ADARB2: variants seen among roughly 807,000 people sequenced by gnomAD.
ADARB2 encodes inactive double-stranded RNA-specific editase B2.
Under a neutral mutation model 62.2 loss-of-function variants are expected in ADARB2, and 25 were observed. The ratio of observed to expected loss-of-function variants is 0.40; its 90% CI spans 0.29 to 0.56. ADARB2 has a LOEUF of 0.56. Among genes scored for constraint, ADARB2 ranks in the 20% least tolerant of loss-of-function variants. ADARB2 has a pLI of 0.43. For missense variants in ADARB2, 1,071 were observed against 1,077.4 expected (o/e 0.99, Z 0.08); for synonymous variants, 572 against 500.8 (o/e 1.14, Z -1.90).
chr10:1,566,256 C>T (rs1479354599), intron 1 of ADARB2, among the ~76,000 whole-genome samples: 1 of 152,160 alleles, frequency 6.6e-6, no homozygotes, highest in Non-Finnish European at 1.5e-5. Context: ...ACAGACCCAG[C>T]TTTTGTCCCC....
chr10:1,529,533 C>A (rs935546043), intron 1 of ADARB2, among the ~76,000 whole-genome samples: 5 of 152,216 alleles, frequency 3.3e-5, no homozygotes, highest in African/African-American at 1.2e-4. Context: ...CACACCCTTC[C>A]ACTCTTCCGA....
chr10:1,201,002 C>G (rs766329608), intron 7 of ADARB2, among the ~76,000 whole-genome samples: 3 of 152,312 alleles, frequency 2.0e-5, no homozygotes, highest in Non-Finnish European at 2.9e-5. Flanking sequence ...TTTCCCTTCC[C>G]GAAGCAGTCA....
intron 1 of ADARB2, among the ~76,000 whole-genome samples, chr10:1,732,557 A>G (rs867263): frequency 0.51 from 78,079 of 152,076 alleles, 20,578 homozygotes; most frequent in Non-Finnish European, 0.56. Context: ...GAAAGGGGGA[A>G]AAAAAGCACC....
intron 1 of ADARB2, among the ~76,000 whole-genome samples, chr10:1,659,433 A>T (rs1349447112): frequency 6.6e-6 from 1 of 152,140 alleles, no homozygotes; most frequent in Non-Finnish European, 1.5e-5. Flanking sequence ...AAACGAAAAA[A>T]CCAAACTGAC....
intron 1 of ADARB2, among the ~76,000 whole-genome samples, chr10:1,677,647 C>G (rs1834484520): frequency 6.6e-6 from 1 of 152,172 alleles, no homozygotes; most frequent in African/African-American, 2.4e-5. Flanking sequence ...GGCTGTCTAC[C>G]TGTTGTTGGA....
chr10:1,443,468 C>T (rs370053201), intron 1 of ADARB2, among the ~76,000 whole-genome samples: 13 of 151,958 alleles, frequency 8.6e-5, no homozygotes, highest in African/African-American at 3.1e-4. Flanking sequence ...TCTTTGATTC[C>T]CCTTGCAAAT....
At chr10:1,222,763 C>T (rs1200657454) in intron 6 of ADARB2, among the ~76,000 whole-genome samples, 3 of 149,170 alleles carry the variant, frequency 2.0e-5, no homozygotes, top group Non-Finnish European at 2.9e-5. Flanking sequence ...CTGTTCTGTT[C>T]CATTGGTCTA....
At chr10:1,342,690 C>T (rs1007611589) in intron 3 of ADARB2, among the ~76,000 whole-genome samples, 1 of 152,208 alleles carries the variant, frequency 6.6e-6, no homozygotes, top group Admixed American at 6.5e-5. Flanking sequence ...GGAAACCTAC[C>T]GCCCCAATCG....
chr10:1,544,127 T>C (rs1246337191), intron 1 of ADARB2, among the ~76,000 whole-genome samples: 1 of 152,034 alleles, frequency 6.6e-6, no homozygotes, highest in Non-Finnish European at 1.5e-5. Flanking sequence ...AGGCAGACTC[T>C]CTGGGCCCTG....
At chr10:1,365,618 A>G (rs1342579122) in intron 2 of ADARB2, among the ~76,000 whole-genome samples, 1 of 152,186 alleles carries the variant, frequency 6.6e-6, no homozygotes, top group East Asian at 1.9e-4. Context: ...CACTTTAAAA[A>G]GACCTGTAAT....
rs1232310154 is a variant in ADARB2, at chr10:1,678,231, AGGGTGAGTGTCCTCG to A, written c.100+58805_100+58819del. On this transcript the variant is annotated intron_variant, in intron 1 of 9. Coordinates refer to ENST00000381312, the MANE Select transcript of ADARB2 (RefSeq NM_018702.4). ...GAGTGGCCTCAGGGTGAGCGACCTC[AGGGTGAGTGTCCTCG>A]GGGTGAGCATCCTCAGGGTGAGGGA... 3 of 984,908 alleles carry A rather than the reference AGGGTGAGTGTCCTCG, an allele frequency of 3.0e-6. No homozygotes were observed. The African/African-American group carries it at 5.3e-5, about 17-fold the overall frequency. The allele number at this position is 984,908 out of a possible 1,614,324, so 61.0% of individuals were successfully genotyped here.
chr10:1,286,048 G>A (rs906623320), intron 3 of ADARB2, among the ~76,000 whole-genome samples: 4 of 126,310 alleles, frequency 3.2e-5, no homozygotes, highest in Admixed American at 1.9e-4. Context: ...TTTCCCCTTT[G>A]AACTTTGTTT....
chr10:1,551,693 G>A (rs942421234), intron 1 of ADARB2, among the ~76,000 whole-genome samples: 5 of 152,324 alleles, frequency 3.3e-5, no homozygotes, highest in Admixed American at 1.3e-4. Flanking sequence ...CACCTGAGGC[G>A]CCAGGGCCTG....
At position 1,200,122 on chromosome 10, in the gene ADARB2, C is replaced by T. The variant is rs969896291; in HGVS notation, c.1708G>A (p.Ala570Thr). ...ARWNVLGLQG[A>T]LLSHFVEPVY... ...GGCTCCACGAAGTGGGACAGGAGCG[C>T]GCCCTGCAGCCCCAGGACGTTCCAC... The change falls in exon 8 of 10, where the codon GCG (alanine) becomes ACG (threonine). Residue 570 changes from alanine to threonine, a missense_variant. Physicochemically the swap from Ala to Thr is moderately conservative, Grantham distance 58. Coordinates refer to ENST00000381312, the MANE Select transcript of ADARB2 (RefSeq NM_018702.4). 20 of 1,551,554 alleles carry T rather than the reference C, an allele frequency of 1.3e-5. No individual in the cohort carries two copies. Among genetic ancestry groups the T allele is most frequent in the South Asian group, 4.8e-5 (4 of 84,160 alleles).
intron 3 of ADARB2, among the ~76,000 whole-genome samples, chr10:1,357,215 A>T (rs973687263): frequency 6.6e-6 from 1 of 152,224 alleles, no homozygotes; most frequent in African/African-American, 2.4e-5. Context: ...AGTGAGTGAG[A>T]CTGAATGGCT....
At chr10:1,320,146 A>G (rs559141438) in intron 3 of ADARB2, among the ~76,000 whole-genome samples, 2 of 151,678 alleles carry the variant, frequency 1.3e-5, no homozygotes, top group East Asian at 3.9e-4. Context: ...CCGCCCAACC[A>G]CTCCCATTCA....
At chr10:1,213,946 G>A (rs968730339) in intron 7 of ADARB2, among the ~76,000 whole-genome samples, 1 of 148,400 alleles carries the variant, frequency 6.7e-6, no homozygotes, top group Non-Finnish European at 1.5e-5. Flanking sequence ...TGCTGGCATC[G>A]CGTGGGTTTG....
chr10:1,321,538 G>A (rs548528637), intron 3 of ADARB2, among the ~76,000 whole-genome samples: 27 of 151,996 alleles, frequency 1.8e-4, no homozygotes, highest in Non-Finnish European at 3.5e-4. Flanking sequence ...TCATCACTGC[G>A]CCCTGCTAAT....
intron 1 of ADARB2, among the ~76,000 whole-genome samples, chr10:1,615,740 T>C (rs1389630699): frequency 6.6e-6 from 1 of 152,222 alleles, no homozygotes; most frequent in Admixed American, 6.5e-5. Context: ...AGGCTGAGGC[T>C]GTTCCCAGGA....
Sources: allele counts gnomAD v4.1 joint callset (sites outside exome capture counted in the v4.1 genomes callset), GRCh38; gene constraint gnomAD v4.1.1; transcripts MANE v1.5; gene names NCBI Gene and HGNC (gene_info 2026-07-23, HGNC 2026-07-21).